Variants in EHD4 observed in about 807,000 individuals in gnomAD.
EHD4 encodes the protein EH domain containing 4.
EHD4 carries 37 observed loss-of-function variants against 51.0 expected under a neutral mutation model. The observed-to-expected ratio is 0.73, with a 90% CI of 0.56 to 0.95. The LOEUF (loss-of-function observed/expected upper bound fraction) is 0.95. Ranked by LOEUF, EHD4 falls within the 40% of genes least tolerant of loss-of-function variation. EHD4 has a pLI of 0.00. For missense variants in EHD4, 632 were observed against 733.1 expected, an observed-to-expected ratio of 0.86 and a Z score of 1.59; for synonymous variants, 297 against 317.3, an observed-to-expected ratio of 0.94 and a Z score of 0.68.
At chr15:41,918,913 G>A (rs1455724331) in intron 4 of EHD4, among the ~76,000 whole-genome samples, 1 of 152,204 alleles carries the variant, frequency 6.6e-6, no homozygotes, top group African/African-American at 2.4e-5. Flanking sequence ...CTGTGCACCA[G>A]GCACTATGCC....
chr15:41,897,618 G>C lies in EHD4; in HGVS notation c.*3027C>G, dbSNP rs935837120. 6.6e-6 allele frequency: 1 copy of C among 152,292 alleles called. No homozygotes were observed. The highest frequency in any genetic ancestry group is 1.5e-5 in the Non-Finnish European group (1 of 68,090). 9.4% of individuals were successfully genotyped at this position (152,292 alleles called of 1,614,324 possible). On this transcript the variant is annotated 3_prime_UTR_variant, in exon 6 of 6. Coordinates refer to ENST00000220325, the MANE Select transcript of EHD4 (RefSeq NM_139265.4). ...GTGTGCCACCCCTCCCTGGGAGCTG[G>C]GGAGATTCCCAAGTCTTAGTGCAGT... is the stretch of plus-strand genomic sequence containing the variant.
chr15:41,909,141 A>G (rs1704389), intron 5 of EHD4, among the ~76,000 whole-genome samples: 67,919 of 152,176 alleles, frequency 0.45, 16,267 homozygotes, highest in African/African-American at 0.6. Context: ...GGAGCTGCCC[A>G]GCCACAACTC....
chr15:41,939,729 G>A (rs764377562), intron 3 of EHD4, among the ~76,000 whole-genome samples: 1 of 149,166 alleles, frequency 6.7e-6, no homozygotes, highest in Non-Finnish European at 1.5e-5. Context: ...GATCCTGCGA[G>A]GCAGAGGCTG....
intron 1 of EHD4, among the ~76,000 whole-genome samples, chr15:41,969,062 T>C (rs938755954): frequency 1.3e-5 from 2 of 152,260 alleles, no homozygotes; most frequent in Non-Finnish European, 1.5e-5. Context: ...GATCATGTCA[T>C]CTGCAAAGAG....
At chr15:41,910,038 G>A (rs2067539115) in intron 4 of EHD4, among the ~76,000 whole-genome samples, 175 bp from the exon 5 acceptor site, 1 of 151,318 alleles carries the variant, frequency 6.6e-6, no homozygotes, top group South Asian at 2.1e-4. Context: ...AGGGTGGCCG[G>A]AATGTGGCCA....
chr15:41,967,521 G>A (rs999456350), intron 1 of EHD4, among the ~76,000 whole-genome samples: 40 of 152,326 alleles, frequency 2.6e-4, no homozygotes, highest in African/African-American at 9.1e-4. Flanking sequence ...ATATTTTAGA[G>A]AGATCTGTAA....
intron 3 of EHD4, among the ~76,000 whole-genome samples, chr15:41,924,742 A>T (rs775495233): frequency 6.6e-6 from 1 of 152,160 alleles, no homozygotes; most frequent in Non-Finnish European, 1.5e-5. Context: ...GAGTATGCAA[A>T]TATGTCAAAT....
At chr15:41,923,302 T>C (rs1486870268) in intron 3 of EHD4, among the ~76,000 whole-genome samples, 1 of 152,200 alleles carries the variant, frequency 6.6e-6, no homozygotes, top group Non-Finnish European at 1.5e-5. Flanking sequence ...TGGTGTAGCA[T>C]GTGTCAGAGT....
At chr15:41,937,217 C>A (rs138816686) in intron 3 of EHD4, among the ~76,000 whole-genome samples, 3 of 152,232 alleles carry the variant, frequency 2.0e-5, no homozygotes, top group Admixed American at 6.5e-5. Flanking sequence ...CTGCCACATG[C>A]GCCCACCTGC....
intron 5 of EHD4, chr15:41,908,810 C>T (rs908367633): frequency 1.3e-5 from 2 of 152,224 alleles, no homozygotes; most frequent in Non-Finnish European, 2.9e-5. Flanking sequence ...CTCTATCAAA[C>T]GTGGGAAAAC....
At chr15:41,941,285 T>G (rs936753825) in intron 3 of EHD4, among the ~76,000 whole-genome samples, 1 of 152,186 alleles carries the variant, frequency 6.6e-6, no homozygotes, top group Non-Finnish European at 1.5e-5. Flanking sequence ...TTAAAAGGAA[T>G]GAAATAATCT....
At chr15:41,912,082 G>T (rs1183310855) in intron 4 of EHD4, among the ~76,000 whole-genome samples, 1 of 152,142 alleles carries the variant, frequency 6.6e-6, no homozygotes, top group African/African-American at 2.4e-5. Flanking sequence ...AGGCCTCATG[G>T]TGTTTGCTGG....
At chr15:41,912,955 T>G (rs2067559801) in intron 4 of EHD4, among the ~76,000 whole-genome samples, 1 of 152,200 alleles carries the variant, frequency 6.6e-6, no homozygotes, top group Non-Finnish European at 1.5e-5. Flanking sequence ...CTTACTGAAG[T>G]TGTTCAAAAT....
At chr15:41,950,796 T>C (rs561927951) in intron 2 of EHD4, among the ~76,000 whole-genome samples, 6 of 152,246 alleles carry the variant, frequency 3.9e-5, no homozygotes, top group Non-Finnish European at 4.4e-5. Flanking sequence ...TGGATTCCAA[T>C]CCCCTCTCTG....
rs944733039 is a variant in EHD4 at position 41,896,129 on chromosome 15, C to T, written c.*4516G>A. 1 of 152,034 alleles carries T rather than the reference C, an allele frequency of 6.6e-6. No homozygotes were observed. Among genetic ancestry groups the T allele is most frequent in the African/African-American group, 2.4e-5 (1 of 41,358 alleles). 9.4% of individuals were successfully genotyped at this position (152,034 alleles called of 1,614,324 possible). ...CACAGTATAAAGGGAATGCATTGGC[C>T]CACACAGTGGAAAAAAATATCTAGT... On this transcript the variant is annotated 3_prime_UTR_variant, in exon 6 of 6. Transcript: ENST00000220325.
At chr15:41,971,339 A>G (rs2067993901) in intron 1 of EHD4, among the ~76,000 whole-genome samples, 1 of 152,250 alleles carries the variant, frequency 6.6e-6, no homozygotes, top group Non-Finnish European at 1.5e-5. Context: ...GTTTCAACTG[A>G]TACACGGCTT....
chr15:41,966,403 C>A (rs1289406875), intron 1 of EHD4, among the ~76,000 whole-genome samples: 1 of 152,184 alleles, frequency 6.6e-6, no homozygotes, highest in Non-Finnish European at 1.5e-5. Context: ...CTCGTATCCC[C>A]TTTTCTTGGT....
intron 1 of EHD4, among the ~76,000 whole-genome samples, chr15:41,962,907 G>T (rs887472423): frequency 2.0e-5 from 3 of 152,242 alleles, no homozygotes; most frequent in African/African-American, 7.2e-5. Context: ...TGTCTGTGTA[G>T]AAAGAAGTAG....
chr15:41,915,705 A>T (rs1204956874), intron 4 of EHD4, among the ~76,000 whole-genome samples: 1 of 152,218 alleles, frequency 6.6e-6, no homozygotes. Context: ...AGTAAATGAC[A>T]TGTTCCAAAC....
Sources: allele counts gnomAD v4.1 joint callset (sites outside exome capture counted in the v4.1 genomes callset), GRCh38; gene constraint gnomAD v4.1.1; transcripts MANE v1.5; gene names NCBI Gene and HGNC (gene_info 2026-07-23, HGNC 2026-07-21).